Variants in CACNB2 observed in about 807,000 individuals in gnomAD.
CACNB2 encodes the protein voltage-dependent L-type calcium channel subunit beta-2.
Under a neutral mutation model 73.3 loss-of-function variants are expected in CACNB2, and 42 were observed. The observed-to-expected ratio is 0.57, with a 90% CI of 0.45 to 0.74. CACNB2 has a LOEUF of 0.74. Ranked by LOEUF, CACNB2 falls within the 30% of genes least tolerant of loss-of-function variation. CACNB2 has a pLI of 0.00. For missense variants in CACNB2, 940 were observed against 853.0 expected (o/e 1.10, Z -1.27); for synonymous variants, 348 against 310.3 (o/e 1.12, Z -1.28).
chr10:18,217,497 G>A (rs1757216), intron 2 of CACNB2, among the ~76,000 whole-genome samples: 109,420 of 151,714 alleles, frequency 0.72, 41,343 homozygotes, highest in Non-Finnish European at 0.84. Context: ...ATAAAGAAAG[G>A]AAAATAAAAT....
At chr10:18,431,004 A>C (rs1343329868) in intron 3 of CACNB2, among the ~76,000 whole-genome samples, 1 of 152,136 alleles carries the variant, frequency 6.6e-6, no homozygotes, top group Non-Finnish European at 1.5e-5. Context: ...TGGAGACAGG[A>C]TCTCACTCTG....
intron 2 of CACNB2, among the ~76,000 whole-genome samples, chr10:18,232,267 T>C (rs1435313294): frequency 6.6e-6 from 1 of 152,166 alleles, no homozygotes; most frequent in Non-Finnish European, 1.5e-5. Context: ...ACCAATCTAT[T>C]CACTAGATCA....
intron 2 of CACNB2, among the ~76,000 whole-genome samples, chr10:18,356,937 A>AGTGTCTTTTTT (rs2041933455): frequency 8.2e-5 from 4 of 48,976 alleles, no homozygotes; most frequent in African/African-American, 2.8e-4. Flanking sequence ...GCCCAGACTC[A>AGTGTCTTTTTT]ATTTCTTTTT....
At chr10:18,171,401 T>C (rs1322898846) in intron 2 of CACNB2, among the ~76,000 whole-genome samples, 1 of 143,226 alleles carries the variant, frequency 7.0e-6, no homozygotes, top group Non-Finnish European at 1.6e-5. Context: ...GGATGCTGCC[T>C]GGACTGTGTC....
At chr10:18,306,249 A>C (rs1452842362) in intron 2 of CACNB2, among the ~76,000 whole-genome samples, 3 of 152,174 alleles carry the variant, frequency 2.0e-5, no homozygotes, top group Non-Finnish European at 1.5e-5. Flanking sequence ...AGAAGGAGGA[A>C]GTATGGCCAC....
chr10:18,405,001 T>G (rs79464051), intron 3 of CACNB2, among the ~76,000 whole-genome samples: 1 of 152,238 alleles, frequency 6.6e-6, no homozygotes, highest in Admixed American at 6.5e-5. Flanking sequence ...TGTACAGTTA[T>G]GGCATACTTT....
chr10:18,248,772 C>A (rs143860551), intron 2 of CACNB2, among the ~76,000 whole-genome samples: 7 of 152,294 alleles, frequency 4.6e-5, no homozygotes, highest in African/African-American at 1.7e-4. Context: ...ATCCTCATTT[C>A]CTTCCTTATC....
At chr10:18,399,992 G>T (rs1336814119) in intron 2 of CACNB2, among the ~76,000 whole-genome samples, 1 of 152,172 alleles carries the variant, frequency 6.6e-6, no homozygotes, top group Admixed American at 6.5e-5. Context: ...AAATTTCCTT[G>T]TAAGTATGGT....
chr10:18,241,143 A>C lies in CACNB2; in HGVS notation c.213+90168A>C, dbSNP rs998479585. On this transcript the variant is annotated intron_variant, in intron 2 of 13. Transcript: ENST00000324631. ...CAGACTAAACTCGTGTTCATCTTAC[A>C]TATATTGATTGATGTCTTGTGTCTC... 2.6e-5 allele frequency among the ~76,000 whole-genome samples: 4 copies of C among 152,104 alleles called. No homozygotes were observed. The South Asian group carries it at 8.3e-4, about 32-fold the overall frequency.
intron 3 of CACNB2, among the ~76,000 whole-genome samples, chr10:18,493,199 C>G (rs945924076): frequency 6.6e-6 from 1 of 152,130 alleles, no homozygotes; most frequent in Admixed American, 6.6e-5. Context: ...GATGGAGTCT[C>G]GCTCTGTTGC....
intron 2 of CACNB2, among the ~76,000 whole-genome samples, chr10:18,181,598 T>C (rs2033886769): frequency 6.9e-6 from 1 of 145,346 alleles, no homozygotes; most frequent in Admixed American, 7.0e-5. Flanking sequence ...TTTTATTTTA[T>C]TTTATTTTAT....
At chr10:18,358,235 C>T (rs551476512) in intron 2 of CACNB2, among the ~76,000 whole-genome samples, 73 of 152,214 alleles carry the variant, frequency 4.8e-4, no homozygotes, top group Non-Finnish European at 8.2e-4. Context: ...CACAGACACG[C>T]GCTACCACGC....
intron 2 of CACNB2, among the ~76,000 whole-genome samples, chr10:18,218,505 G>A (rs568979379): frequency 6.6e-6 from 1 of 152,312 alleles, no homozygotes; most frequent in African/African-American, 2.4e-5. Context: ...TGTATGTGTA[G>A]CACTGCCATT....
In CACNB2 at chr10:18,460,990, C is replaced by T. The variant is rs146248794; in HGVS notation, c.334-37365C>T. On this transcript the variant is annotated intron_variant, in intron 3 of 13. Transcript: ENST00000324631. ...TGTTGCCCAAGCTGGAGGGCAATGG[C>T]GTGATCTTGGCTCACTGCAGCCTCC... Among the ~76,000 whole-genome samples, 21 of 152,094 alleles carry T rather than the reference C, an allele frequency of 1.4e-4. 1 individual carries two copies. The highest frequency in any genetic ancestry group is 4.1e-4 in the African/African-American group (17 of 41,488).
intron 7 of CACNB2, among the ~76,000 whole-genome samples, chr10:18,516,017 C>G (rs1367132407): frequency 6.6e-6 from 1 of 152,094 alleles, no homozygotes; most frequent in African/African-American, 2.4e-5. Context: ...GTTTTGAGAC[C>G]AGCCTGGCCA....
intron 3 of CACNB2, among the ~76,000 whole-genome samples, chr10:18,432,094 T>A (rs879718138): frequency 6.6e-6 from 1 of 152,196 alleles, no homozygotes; most frequent in African/African-American, 2.4e-5. Context: ...TAAAGAAATA[T>A]CAATTAATTT....
At chr10:18,141,926 C>T (rs34606998) in intron 1 of CACNB2, among the ~76,000 whole-genome samples, 43,341 of 151,948 alleles carry the variant, frequency 0.29, 6,367 homozygotes, top group African/African-American at 0.36. Context: ...TTTTAATTTG[C>T]GGTAAGATAT....
At chr10:18,227,855 T>C (rs2036057997) in intron 2 of CACNB2, among the ~76,000 whole-genome samples, 1 of 152,194 alleles carries the variant, frequency 6.6e-6, no homozygotes, top group Non-Finnish European at 1.5e-5. Flanking sequence ...TTTATTGGAC[T>C]GGGGCTCATC....
chr10:18,303,229 A>G (rs538264764), intron 2 of CACNB2, among the ~76,000 whole-genome samples: 12 of 152,316 alleles, frequency 7.9e-5, no homozygotes, highest in African/African-American at 2.9e-4. Flanking sequence ...AAGGCCAGGC[A>G]TGGTGACTCA....
Sources: allele counts gnomAD v4.1 joint callset (sites outside exome capture counted in the v4.1 genomes callset), GRCh38; gene constraint gnomAD v4.1.1; transcripts MANE v1.5; gene names NCBI Gene and HGNC (gene_info 2026-07-23, HGNC 2026-07-21).